The following KIR2DL4 variants were observed in gnomAD, a reference collection of about 807,000 sequenced individuals.
The protein encoded by KIR2DL4 is killer cell immunoglobulin-like receptor 2DL4.
KIR2DL4 carries 41 observed loss-of-function variants against 31.0 expected under a neutral mutation model. The ratio of observed to expected loss-of-function variants is 1.32; its 90% CI spans 1.03 to 1.72. The LOEUF (loss-of-function observed/expected upper bound fraction) is 1.72, where lower values mean the gene tolerates loss of function less well. KIR2DL4 is among the 40% of genes most tolerant of loss of function. The pLI, the probability that KIR2DL4 is intolerant of heterozygous loss-of-function variation, is 0.00. For synonymous variants in KIR2DL4, 164 were observed against 133.6 expected, an observed-to-expected ratio of 1.23 and a Z score of -1.57; for missense variants, 438 against 353.7, an observed-to-expected ratio of 1.24 and a Z score of -1.91.
intron 2 of KIR2DL4, among the ~76,000 whole-genome samples, chr19:54,804,422 C>T (rs2060370507): frequency 6.6e-6 from 1 of 151,280 alleles, no homozygotes; most frequent in African/African-American, 2.4e-5. Flanking sequence ...GGGGGAACCA[C>T]AGCCACGACC....
intron 4 of KIR2DL4, among the ~76,000 whole-genome samples, chr19:54,808,064 G>A (rs2060631890): frequency 6.6e-6 from 1 of 151,024 alleles, no homozygotes; most frequent in East Asian, 1.9e-4. Flanking sequence ...TTATTGAGGT[G>A]TTTGAGCTTC....
At chr19:54,808,485 C>T (rs1210899164) in intron 4 of KIR2DL4, among the ~76,000 whole-genome samples, 7 of 150,684 alleles carry the variant, frequency 4.6e-5, no homozygotes, top group Admixed American at 4.0e-4. Context: ...ATTCTTCGAA[C>T]CTTTGTCAAA....
In KIR2DL4 at chr19:54,814,051, G is replaced by A. The variant is rs1336502152; in HGVS notation, c.*251G>A. On this transcript the variant is annotated 3_prime_UTR_variant, in exon 8 of 8. Coordinates refer to ENST00000359085, the Ensembl canonical transcript of KIR2DL4. The stretch of plus-strand genomic sequence containing the variant: ...AGGCCTTGATGGGATCTTCTAGGGA[G>A]ACAACAGCCCTGTCTCAAACCCAGC... 8 of 1,612,104 alleles carry A rather than the reference G, an allele frequency of 5.0e-6. No homozygotes were observed. The East Asian group carries it at 1.8e-4, about 36-fold the overall frequency.
rs921212359 is a variant in KIR2DL4, at chr19:54,809,773, G to A, written c.706+890G>A. ...TCTTCCTCATCTTTTAAGGACTTTG[G>A]CATTCTATTGGAAACACCAAGATAA... is the stretch of plus-strand genomic sequence containing the variant. On this transcript the variant is annotated intron_variant, in intron 5 of 7. Coordinates refer to ENST00000359085, the Ensembl canonical transcript of KIR2DL4. Among the ~76,000 whole-genome samples the A allele has an allele frequency of 3.6e-4, 54 of 151,314 alleles. 2 individuals carry two copies. The highest frequency in any genetic ancestry group is 1.2e-3 in the African/African-American group (49 of 41,000).
exon 4 of KIR2DL4, chr19:54,805,993 C>G: frequency 6.2e-7 from 1 of 1,610,042 alleles, no homozygotes; most frequent in Non-Finnish European, 8.5e-7. Context: ...CCGGGCCCCA[C>G]GGTTCGCGCA....
chr19:54,813,313 G>C, intron 6 of KIR2DL4: 1 of 1,573,836 alleles, frequency 6.4e-7, no homozygotes, highest in South Asian at 1.2e-5. Context: ...TTCCTCACTG[G>C]CAGGAAAGTC....
At chr19:54,804,012 G>A (rs978604134) in intron 2 of KIR2DL4, 86 bp downstream of exon 2, 14 of 1,247,894 alleles carry the variant, frequency 1.1e-5, no homozygotes, top group African/African-American at 1.5e-5. Flanking sequence ...AGCACAGAGG[G>A]TGGGCTGATG....
exon 8 of KIR2DL4, chr19:54,814,056 C>T (rs767890337): frequency 2.1e-5 from 34 of 1,612,170 alleles, no homozygotes; most frequent in Non-Finnish European, 2.6e-5. Context: ...AGGGAGACAA[C>T]AGCCCTGTCT....
In KIR2DL4 at chr19:54,806,156, C is replaced by T. The variant is rs879223877; in HGVS notation, c.567C>T (p.His189=). ...ACTTCCCTCTGGGTCCTGCCACCCACGGAGAGACCTACAGATGCTTCGGCT... is the reference window on the plus strand; with the variant it reads ...ACTTCCCTCTGGGTCCTGCCACCCATGGAGAGACCTACAGATGCTTCGGCT... Residue 189 remains histidine, a synonymous_variant, in exon 4 of 8, where the codon CAC becomes CAT. Coordinates refer to ENST00000359085, the Ensembl canonical transcript of KIR2DL4. The T allele has an allele frequency of 8.1e-6, 13 of 1,611,786 alleles. No individual in the cohort carries two copies. In the East Asian group the frequency reaches 1.6e-4, roughly 19 times the overall value.
At chr19:54,803,755 C>T (rs2060321744) in intron 1 of KIR2DL4, 64 bp downstream of exon 1, 1 of 1,580,116 alleles carries the variant, frequency 6.3e-7, no homozygotes, top group African/African-American at 1.4e-5. Flanking sequence ...GGTGTCTCCC[C>T]AGCAGAGAGC....
chr19:54,813,568 G>A, intron 6 of KIR2DL4, 122 bp from the exon 6 acceptor site: 2 of 990,740 alleles, frequency 2.0e-6, no homozygotes, highest in Non-Finnish European at 3.1e-6. Flanking sequence ...GTCTGAGTCT[G>A]GCTGTTGGCA....
chr19:54,806,352 A>T, intron 4 of KIR2DL4, 108 bp downstream of exon 4: 1 of 1,251,652 alleles, frequency 8.0e-7, no homozygotes, highest in South Asian at 1.3e-5. Context: ...GAGAAGATGC[A>T]GCATGGTGTG....
chr19:54,812,967 A>G (rs1180238653), intron 5 of KIR2DL4, among the ~76,000 whole-genome samples: 2 of 142,592 alleles, frequency 1.4e-5, no homozygotes, highest in Non-Finnish European at 3.0e-5. Flanking sequence ...TATGAAAACT[A>G]TAACGGAGAA....
At chr19:54,813,581 T>C (rs1322695744) in intron 6 of KIR2DL4, 109 bp from the exon 6 acceptor site, 2 of 1,134,890 alleles carry the variant, frequency 1.8e-6, no homozygotes, top group Non-Finnish European at 2.6e-6. Context: ...TGTTGGCAGC[T>C]GAGGGACCTC....
intron 5 of KIR2DL4, among the ~76,000 whole-genome samples, chr19:54,812,496 A>G (rs1364916498): frequency 1.3e-5 from 2 of 150,996 alleles, no homozygotes; most frequent in African/African-American, 4.9e-5. Flanking sequence ...TTGCTGTCTT[A>G]GCCTATTTTT....
chr19:54,805,932 C>T lies in KIR2DL4; in HGVS notation c.362-19C>T, dbSNP rs2060489200. The stretch of plus-strand genomic sequence containing the variant: ...ACAAGGAAGAACCTCCCTGAGGAAA[C>T]TGCCTCTTCTCCTTCCAGGTCTATA... On this transcript the variant is annotated intron_variant, in intron 3 of 7. Transcript: ENST00000359085. 6.3e-7 allele frequency: 1 copy of T among 1,586,212 alleles called. No individual in the cohort carries two copies. The highest frequency in any genetic ancestry group is 1.7e-4 in the Middle Eastern group (1 of 5,892).
exon 6 of KIR2DL4, chr19:54,813,192 C>T: frequency 1.3e-6 from 2 of 1,534,358 alleles, no homozygotes; most frequent in Non-Finnish European, 1.8e-6. Flanking sequence ...CCATCCTTCC[C>T]TTCTTTCTCC....
chr19:54,814,310 G>A lies in KIR2DL4; in HGVS notation c.*510G>A. 3 of 613,384 alleles carry A rather than the reference G, an allele frequency of 4.9e-6. 1 individual carries two copies. Among genetic ancestry groups the A allele is most frequent in the Admixed American group, 6.0e-5 (2 of 33,490 alleles). 38.0% of individuals were successfully genotyped at this position (613,384 alleles called of 1,614,324 possible). On this transcript the variant is annotated 3_prime_UTR_variant, in exon 8 of 8. Coordinates refer to ENST00000359085, the Ensembl canonical transcript of KIR2DL4. The stretch of plus-strand genomic sequence containing the variant: ...TGGCTTACTTCCTAGTCTACTTGAG[G>A]CTGCAATCACACTGAGGAACTCACA...
exon 5 of KIR2DL4, chr19:54,808,869 C>T: frequency 6.2e-7 from 1 of 1,604,774 alleles, no homozygotes; most frequent in African/African-American, 1.4e-5. Flanking sequence ...CCCACTGAAC[C>T]AAGCTTCAAA....
Sources: gnomAD v4.1 joint callset for allele counts (sites outside exome capture counted in the v4.1 genomes callset) on GRCh38, gnomAD v4.1.1 for gene constraint, MANE v1.5 for transcripts, NCBI Gene and HGNC (gene_info 2026-07-23, HGNC 2026-07-21) for gene names.